Variants in SH3RF2 observed in about 807,000 individuals in gnomAD.
SH3RF2 encodes the protein SH3 domain containing ring finger 2, also known as E3 ubiquitin-protein ligase SH3RF2.
In SH3RF2, 43 loss-of-function variants were observed where a neutral mutation model predicts 59.0. The ratio of observed to expected loss-of-function variants is 0.73; its 90% CI spans 0.57 to 0.94. The LOEUF (loss-of-function observed/expected upper bound fraction) is 0.94. SH3RF2 is among the 40% of genes least tolerant of loss of function. SH3RF2 has a pLI of 0.00. For missense variants in SH3RF2, 930 were observed against 940.1 expected (o/e 0.99, Z 0.14); for synonymous variants, 391 against 391.5 (o/e 1.00, Z 0.01).
At position 146,056,223 on chromosome 5, in the gene SH3RF2, G is replaced by A; in HGVS notation, c.1555+10G>A. 6.2e-7 allele frequency: 1 copy of A among 1,614,144 alleles called. No individual in the cohort carries two copies. The highest frequency in any genetic ancestry group is 8.5e-7 in the Non-Finnish European group (1 of 1,180,046). ...AGCAGCATGAGAAAGAGTAAGTGGT[G>A]GCAGAGAGGTACGTGCCTAGAGCTA... is the stretch of plus-strand genomic sequence containing the variant. On this transcript the variant is annotated intron_variant, in intron 8 of 9. Coordinates refer to ENST00000359120, the MANE Select transcript of SH3RF2 (RefSeq NM_152550.4).
chr5:146,053,592 G>T (rs957841850), intron 7 of SH3RF2, among the ~76,000 whole-genome samples: 7 of 152,084 alleles, frequency 4.6e-5, no homozygotes, highest in African/African-American at 1.7e-4. Flanking sequence ...AAGACCACTC[G>T]ATGTGAGAAC....
intron 7 of SH3RF2, among the ~76,000 whole-genome samples, chr5:146,055,143 G>T (rs377103906): frequency 7.4e-4 from 113 of 152,276 alleles, no homozygotes; most frequent in African/African-American, 2.7e-3. Flanking sequence ...GCATGTGTAG[G>T]GCCTACCATC....
At chr5:146,034,472 G>C (rs1487761990) in intron 5 of SH3RF2, among the ~76,000 whole-genome samples, 2 of 152,242 alleles carry the variant, frequency 1.3e-5, no homozygotes, top group African/African-American at 2.4e-5. Context: ...CACAGAGCCA[G>C]CAAGCATGCC....
chr5:145,994,412 T>C (rs1760070422), intron 2 of SH3RF2, among the ~76,000 whole-genome samples: 1 of 152,184 alleles, frequency 6.6e-6, no homozygotes, highest in South Asian at 2.1e-4. Flanking sequence ...ATTTATTGTA[T>C]TAGTCCATTT....
intron 5 of SH3RF2, among the ~76,000 whole-genome samples, chr5:146,014,657 C>T (rs1279793942): frequency 6.6e-6 from 1 of 152,156 alleles, no homozygotes; most frequent in Non-Finnish European, 1.5e-5. Context: ...AAGCAAAGAG[C>T]CCTGTGTGGC....
intron 9 of SH3RF2, among the ~76,000 whole-genome samples, chr5:146,076,264 G>T (rs909238931): frequency 6.6e-6 from 1 of 152,122 alleles, no homozygotes; most frequent in Non-Finnish European, 1.5e-5. Flanking sequence ...TAATCTGGGA[G>T]GGGCATTCTC....
intron 2 of SH3RF2, among the ~76,000 whole-genome samples, chr5:145,955,511 A>G (rs946905978): frequency 5.3e-5 from 8 of 152,192 alleles, no homozygotes; most frequent in Non-Finnish European, 1.0e-4. Context: ...GCATCCCACA[A>G]TATACTCAGG....
At chr5:145,947,853 T>A (rs1278247169) in intron 2 of SH3RF2, among the ~76,000 whole-genome samples, 1 of 152,224 alleles carries the variant, frequency 6.6e-6, no homozygotes, top group Non-Finnish European at 1.5e-5. Flanking sequence ...TAGCTTGTGG[T>A]CTTTTATGTA....
At chr5:145,959,254 G>A (rs926906234) in intron 2 of SH3RF2, among the ~76,000 whole-genome samples, 9 of 152,098 alleles carry the variant, frequency 5.9e-5, no homozygotes, top group African/African-American at 2.2e-4. Context: ...TATTTCCAAA[G>A]AATAGAAAAA....
In SH3RF2 at chr5:145,937,844, A is replaced by T. The variant is rs554986041; in HGVS notation, c.-85A>T. On this transcript the variant is annotated 5_prime_UTR_variant, in exon 2 of 10. The change creates a new upstream start codon in the 5' untranslated region. Coordinates refer to ENST00000359120, the MANE Select transcript of SH3RF2 (RefSeq NM_152550.4). ...GCAGGCAAAAATTCTGACGTTCTCA[A>T]GAGACCAGCTCTGCCCCCGTGGCTC... 1.3e-6 allele frequency: 2 copies of T among 1,496,052 alleles called. No individual in the cohort carries two copies. The highest frequency in any genetic ancestry group is 4.5e-5 in the East Asian group (2 of 44,104). The allele number at this position is 1,496,052 out of a possible 1,614,324, so 92.7% of individuals were successfully genotyped here.
intron 2 of SH3RF2, chr5:145,997,248 C>G: frequency 1.1e-6 from 1 of 914,682 alleles, no homozygotes; most frequent in South Asian, 1.3e-5. Context: ...GCCTGCAAGT[C>G]TGATACATGC....
intron 2 of SH3RF2, among the ~76,000 whole-genome samples, chr5:145,959,651 G>GTA (rs780141585): frequency 1.5e-4 from 21 of 144,272 alleles, no homozygotes; most frequent in Non-Finnish European, 2.7e-4. Context: ...GTGTGTGTAT[G>GTA]TGTGTGTGTG....
chr5:145,957,650 T>C (rs995557355), intron 2 of SH3RF2, among the ~76,000 whole-genome samples: 1 of 151,936 alleles, frequency 6.6e-6, no homozygotes, highest in Admixed American at 6.6e-5. Context: ...GAGACAAACC[T>C]GGATTTGGCC....
chr5:146,030,311 A>G (rs971865111), intron 5 of SH3RF2, among the ~76,000 whole-genome samples: 11 of 152,204 alleles, frequency 7.2e-5, no homozygotes, highest in Non-Finnish European at 1.6e-4. Flanking sequence ...AGATTTACTG[A>G]GGCCCTATTC....
At chr5:146,067,073 T>C (rs1485778578), downstream of SH3RF2, among the ~76,000 whole-genome samples, 1 of 152,116 alleles carries the variant, frequency 6.6e-6, no homozygotes, top group African/African-American at 2.4e-5. Context: ...AGGACTTGTC[T>C]CCTTCCCTGT....
Position 145,994,913 on chromosome 5 carries a change from T to C in SH3RF2, c.379-5145T>C, listed in dbSNP as rs28587126. Reference sequence around the variant, plus strand: ...CAGTAAAGGTTAGCTATTGATATTATCATTATGCAAATCTAAAGGGGCTTA... The same window carrying C: ...CAGTAAAGGTTAGCTATTGATATTACCATTATGCAAATCTAAAGGGGCTTA... On this transcript the variant is annotated intron_variant, in intron 2 of 9. Coordinates refer to ENST00000359120, the MANE Select transcript of SH3RF2 (RefSeq NM_152550.4). Among the ~76,000 whole-genome samples, 1,399 of 152,284 alleles carry C rather than the reference T, an allele frequency of 9.2e-3. 15 individuals are homozygous for C. The highest frequency in any genetic ancestry group is 0.032 in the African/African-American group (1,314 of 41,558).
At chr5:146,049,801 C>T (rs540110095) in intron 7 of SH3RF2, among the ~76,000 whole-genome samples, 12 of 152,190 alleles carry the variant, frequency 7.9e-5, no homozygotes, top group African/African-American at 1.9e-4. Context: ...CCGCTTTTCC[C>T]GATCTCTTAC....
chr5:146,064,782 AGGAAGGAAGG>A (rs1763042509), downstream of SH3RF2, among the ~76,000 whole-genome samples: 2 of 16,730 alleles, frequency 1.2e-4, no homozygotes, highest in African/African-American at 4.7e-4. Context: ...AAGGAAAGGA[AGGAAGGAAGG>A]AAGGAAGGAA....
intron 5 of SH3RF2, among the ~76,000 whole-genome samples, chr5:146,047,040 A>C (rs1326729275): frequency 1.3e-5 from 2 of 152,194 alleles, no homozygotes; most frequent in East Asian, 3.9e-4. Context: ...TATAGGCATG[A>C]GGCACTGAGC....
Sources: allele counts gnomAD v4.1 joint callset (sites outside exome capture counted in the v4.1 genomes callset), GRCh38; gene constraint gnomAD v4.1.1; transcripts MANE v1.5; gene names NCBI Gene and HGNC (gene_info 2026-07-23, HGNC 2026-07-21).